METTL15: variants seen among roughly 807,000 people sequenced by gnomAD.
METTL15 encodes methyltransferase 15, mitochondrial 12S rRNA N4-cytidine.
Under a neutral mutation model 38.3 loss-of-function variants are expected in METTL15, and 34 were observed. The ratio of observed to expected loss-of-function variants is 0.89; its 90% CI spans 0.68 to 1.18. METTL15 has a LOEUF of 1.18. METTL15 is among the 50% of genes most tolerant of loss of function. The pLI is 0.00. For synonymous variants in METTL15, 162 were observed against 170.9 expected, an observed-to-expected ratio of 0.95 and a Z score of 0.41; for missense variants, 438 against 498.4, an observed-to-expected ratio of 0.88 and a Z score of 1.15.
At chr11:28,330,359 C>T (rs1849774234) in intron 6 of METTL15, 37 bp from the exon 7 acceptor site, 12 of 1,452,836 alleles carry the variant, frequency 8.3e-6, no homozygotes, top group South Asian at 2.8e-5. Flanking sequence ...TTAATGTTAC[C>T]GGTCTTCTTT....
chr11:28,159,564 A>C (rs1850381247), intron 3 of METTL15, among the ~76,000 whole-genome samples: 1 of 152,150 alleles, frequency 6.6e-6, no homozygotes, highest in Non-Finnish European at 1.5e-5. Context: ...AGCTGCAGAA[A>C]TGAAGACTGT....
intron 6 of METTL15, among the ~76,000 whole-genome samples, chr11:28,485,914 A>G (rs911063680): frequency 6.6e-6 from 1 of 152,122 alleles, no homozygotes; most frequent in Admixed American, 6.6e-5. Context: ...GTGTGCATGT[A>G]GAGAGAAACC....
At chr11:28,265,391 T>C (rs1855373157) in intron 4 of METTL15, among the ~76,000 whole-genome samples, 1 of 151,850 alleles carries the variant, frequency 6.6e-6, no homozygotes, top group Non-Finnish European at 1.5e-5. Flanking sequence ...ATAGAAAGGA[T>C]AGAAAGAACT....
rs548156091 is a variant in METTL15, at chr11:28,404,588, T to C, written c.*359-19711T>C. ...TCATCTCCCAGTGGCCCCCACCTCC[T>C]AGCACCATCACATTGGTGATTAGGT... On this transcript the variant is annotated intron_variant and NMD_transcript_variant, in intron 5 of 7. Coordinates refer to the METTL15 transcript ENST00000532947. Among the ~76,000 whole-genome samples, 7 of 152,216 alleles carry C rather than the reference T, an allele frequency of 4.6e-5. No individual in the cohort carries two copies. In the South Asian group the frequency reaches 1.4e-3, roughly 32 times the overall value.
At chr11:28,131,438 G>A (rs1205276134) in intron 3 of METTL15, among the ~76,000 whole-genome samples, 1 of 148,042 alleles carries the variant, frequency 6.8e-6, no homozygotes, top group Admixed American at 6.8e-5. Context: ...GGTAAAGTGT[G>A]TAATTTCAGC....
chr11:28,454,783 A>G (rs764676055), intron 6 of METTL15, among the ~76,000 whole-genome samples: 6 of 152,222 alleles, frequency 3.9e-5, no homozygotes, highest in Non-Finnish European at 8.8e-5. Context: ...AATTAGCCAT[A>G]TATGGAAATT....
chr11:28,175,202 G>A (rs542110037), intron 3 of METTL15, among the ~76,000 whole-genome samples: 1 of 151,894 alleles, frequency 6.6e-6, no homozygotes, highest in Non-Finnish European at 1.5e-5. Context: ...GCGGTGTTTG[G>A]TTTTTTGTCC....
intron 5 of METTL15, among the ~76,000 whole-genome samples, chr11:28,379,486 G>A (rs958079019): frequency 2.0e-5 from 3 of 152,060 alleles, no homozygotes; most frequent in Non-Finnish European, 4.4e-5. Context: ...TCAGGAGCAT[G>A]TTGTTTTATT....
At chr11:28,147,526 T>G (rs1318967418) in intron 3 of METTL15, among the ~76,000 whole-genome samples, 1 of 151,890 alleles carries the variant, frequency 6.6e-6, no homozygotes, top group Non-Finnish European at 1.5e-5. Context: ...CTGCATCTCA[T>G]AATCAGTATC....
At chr11:28,371,384 A>C (rs568563464) in intron 5 of METTL15, among the ~76,000 whole-genome samples, 9 of 152,010 alleles carry the variant, frequency 5.9e-5, no homozygotes, top group Admixed American at 1.3e-4. Context: ...CCTTTGGTCT[A>C]TGTGTCTGTA....
intron 5 of METTL15, among the ~76,000 whole-genome samples, chr11:28,375,842 G>C (rs376667352): frequency 2.0e-5 from 3 of 151,462 alleles, no homozygotes; most frequent in African/African-American, 7.3e-5. Flanking sequence ...CTTTGAATGC[G>C]TCCCAGAGAT....
intron 3 of METTL15, among the ~76,000 whole-genome samples, chr11:28,208,320 C>T (rs930348535): frequency 2.6e-5 from 4 of 152,004 alleles, no homozygotes; most frequent in Admixed American, 6.6e-5. Context: ...TCTTTGTTGT[C>T]GTTAGTTTCA....
chr11:28,251,752 T>A (rs186595394), intron 4 of METTL15, among the ~76,000 whole-genome samples: 21 of 152,162 alleles, frequency 1.4e-4, no homozygotes, highest in African/African-American at 4.6e-4. Context: ...TTTCACACTC[T>A]GGTCATCATT....
At chr11:28,322,929 C>G (rs1348213072) in intron 6 of METTL15, among the ~76,000 whole-genome samples, 1 of 152,044 alleles carries the variant, frequency 6.6e-6, no homozygotes, top group African/African-American at 2.4e-5. Context: ...AATGGACAAA[C>G]AAAATGAATT....
chr11:28,496,560 G>A (rs1324411416), intron 6 of METTL15, among the ~76,000 whole-genome samples: 1 of 152,162 alleles, frequency 6.6e-6, no homozygotes, highest in Non-Finnish European at 1.5e-5. Flanking sequence ...TGCCATTGGG[G>A]TCACCAGAGA....
intron 4 of METTL15, among the ~76,000 whole-genome samples, chr11:28,236,174 A>T (rs1441010462): frequency 1.3e-5 from 2 of 152,086 alleles, no homozygotes; most frequent in African/African-American, 4.8e-5. Context: ...ATCATGGTGG[A>T]TAAGCTTTTT....
chr11:28,265,851 G>A (rs1479481934), intron 4 of METTL15, among the ~76,000 whole-genome samples: 1 of 152,184 alleles, frequency 6.6e-6, no homozygotes, highest in Non-Finnish European at 1.5e-5. Context: ...TAGGGTACAT[G>A]TGCACAACGT....
chr11:28,197,154 C>G (rs930426403), intron 3 of METTL15, among the ~76,000 whole-genome samples: 4 of 151,292 alleles, frequency 2.6e-5, no homozygotes, highest in African/African-American at 9.7e-5. Context: ...CTAATTTTGC[C>G]GTAGTTCAGA....
At chr11:28,117,840 A>G (rs1052370706) in intron 3 of METTL15, among the ~76,000 whole-genome samples, 3 of 152,170 alleles carry the variant, frequency 2.0e-5, no homozygotes, top group African/African-American at 7.2e-5. Context: ...CATTTTGTCC[A>G]TAATCCATTA....
Sources: gnomAD v4.1 joint callset for allele counts (sites outside exome capture counted in the v4.1 genomes callset) on GRCh38, gnomAD v4.1.1 for gene constraint, MANE v1.5 for transcripts, NCBI Gene and HGNC (gene_info 2026-07-23, HGNC 2026-07-21) for gene names.